Variants in GLI2 observed in about 807,000 individuals in gnomAD.
GLI2 encodes transcription activator GLI2.
In GLI2, 22 loss-of-function variants were observed where a neutral mutation model predicts 78.9. The ratio of observed to expected loss-of-function variants is 0.28; its 90% CI spans 0.20 to 0.40. The LOEUF (loss-of-function observed/expected upper bound fraction) is 0.40, where lower values mean the gene tolerates loss of function less well. Among genes scored for constraint, GLI2 ranks in the 10% least tolerant of loss-of-function variants. The pLI, the probability that GLI2 is intolerant of heterozygous loss-of-function variation, is 1.00. For synonymous variants in GLI2, 974 were observed against 963.7 expected (o/e 1.01, Z -0.20); for missense variants, 2,097 against 2,213.2 (o/e 0.95, Z 1.05).
intron 3 of GLI2, among the ~76,000 whole-genome samples, chr2:120,936,636 AAACAG>A (rs1680213354): frequency 6.6e-6 from 1 of 152,198 alleles, no homozygotes; most frequent in Non-Finnish European, 1.5e-5. Context: ...GCAGACATGG[AAACAG>A]AACAGTAATC....
In GLI2 at chr2:120,982,702, C is replaced by A. The variant is rs1472201792; in HGVS notation, c.1468-14C>A. ...CCCTGGGGTGCCTTGACTGACTGAA[C>A]CGCCTCCTTCTAGTTCGAGGGCTGC... is the stretch of plus-strand genomic sequence containing the variant. On this transcript the variant is annotated splice_polypyrimidine_tract_variant and intron_variant, in intron 10 of 13. Transcript: ENST00000361492. The A allele has an allele frequency of 1.2e-6, 2 of 1,605,236 alleles. No individual in the cohort carries two copies. The highest frequency in any genetic ancestry group is 4.5e-5 in the East Asian group (2 of 44,744).
intron 2 of GLI2, among the ~76,000 whole-genome samples, chr2:120,841,358 G>C (rs1686860248): frequency 6.6e-6 from 1 of 152,172 alleles, no homozygotes; most frequent in South Asian, 2.1e-4. Context: ...TCTACAGAGG[G>C]CCTAGTGAAG....
chr2:120,858,137 C>T (rs1687746608), intron 2 of GLI2, among the ~76,000 whole-genome samples: 1 of 152,270 alleles, frequency 6.6e-6, no homozygotes. Context: ...AGAATGACAG[C>T]TTGGTGCTGG....
intron 1 of GLI2, among the ~76,000 whole-genome samples, chr2:120,772,127 C>T (rs1357508041): frequency 6.6e-6 from 1 of 152,124 alleles, no homozygotes; most frequent in Non-Finnish European, 1.5e-5. Flanking sequence ...ATAGAGATTG[C>T]CTGGTGCCCT....
At chr2:120,948,055 G>A (rs1680798570) in intron 3 of GLI2, among the ~76,000 whole-genome samples, 1 of 152,218 alleles carries the variant, frequency 6.6e-6, no homozygotes, top group South Asian at 2.1e-4. Flanking sequence ...GTCACACCAA[G>A]GGAACAGTCA....
At chr2:120,885,860 A>G (rs1677370055) in intron 2 of GLI2, among the ~76,000 whole-genome samples, 1 of 152,152 alleles carries the variant, frequency 6.6e-6, no homozygotes, top group South Asian at 2.1e-4. Context: ...GTGGGACACT[A>G]TCATTCACAT....
At chr2:120,794,031 C>A (rs7604538) in intron 1 of GLI2, among the ~76,000 whole-genome samples, 6 of 152,062 alleles carry the variant, frequency 3.9e-5, no homozygotes, top group Admixed American at 3.3e-4. Flanking sequence ...CCGTTCTTCA[C>A]GGATGGAGCC....
At chr2:120,740,878 G>A (rs1682513953) in intron 1 of GLI2, among the ~76,000 whole-genome samples, 1 of 151,958 alleles carries the variant, frequency 6.6e-6, no homozygotes, top group East Asian at 1.9e-4. Context: ...GAGGAGGGAG[G>A]GTGGCCCGGC....
At chr2:120,927,305 C>G (rs1339288758) in intron 2 of GLI2, 56 bp from the exon 3 acceptor site, 1 of 1,283,844 alleles carries the variant, frequency 7.8e-7, no homozygotes, top group Non-Finnish European at 1.1e-6. Context: ...TTGAAAGTAG[C>G]TTTTTGAGGG....
Position 120,988,706 on chromosome 2 carries a change from G to C in GLI2, c.2741G>C (p.Cys914Ser). 8.2e-7 allele frequency: 1 copy of C among 1,224,498 alleles called. No homozygotes were observed. 75.9% of individuals were successfully genotyped at this position (1,224,498 alleles called of 1,614,324 possible). Residue 914 changes from cysteine to serine, a missense_variant, in exon 14 of 14, where the codon TGC (cysteine) becomes TCC (serine). Cys to Ser is a moderately radical substitution (Grantham distance 112). Transcript: ENST00000361492. ...CCCGAGCGCACGCTGCCCGCCGGCTGCCCACGCCCACTGGGGCCGCGGCGT... is the reference window on the plus strand; with the variant it reads ...CCCGAGCGCACGCTGCCCGCCGGCTCCCCACGCCCACTGGGGCCGCGGCGT... Reference protein sequence around the residue: ...DAPERTLPAGCPRPLGPRRGS... With the variant: ...DAPERTLPAGSPRPLGPRRGS...
chr2:120,882,642 C>T (rs1677210205), intron 2 of GLI2, among the ~76,000 whole-genome samples: 1 of 152,240 alleles, frequency 6.6e-6, no homozygotes, highest in Non-Finnish European at 1.5e-5. Context: ...CCTGGGTCTT[C>T]TGTCCCTCAC....
chr2:120,846,145 T>G (rs1395878606), intron 2 of GLI2, among the ~76,000 whole-genome samples: 1 of 152,160 alleles, frequency 6.6e-6, no homozygotes, highest in Non-Finnish European at 1.5e-5. Context: ...CGTCAGTCAT[T>G]CTGGTTTCTT....
intron 2 of GLI2, among the ~76,000 whole-genome samples, chr2:120,841,157 A>G (rs1686849912): frequency 6.6e-6 from 1 of 152,240 alleles, no homozygotes; most frequent in African/African-American, 2.4e-5. Context: ...AGAAACACAC[A>G]TTTTGAGAAA....
rs529231756 is a variant in GLI2 at position 120,964,710 on chromosome 2, C to T, written c.644-4004C>T. 1.1e-4 allele frequency among the ~76,000 whole-genome samples: 16 copies of T among 152,336 alleles called. No individual in the cohort carries two copies. In the East Asian group the frequency reaches 2.9e-3, roughly 28 times the overall value. On this transcript the variant is annotated intron_variant, in intron 5 of 13. Transcript: ENST00000361492. ...GCTGTGCCAAACTGGAGCTGCCTTG[C>T]AGACAGGAGGAGAGGACGAGGAGGC...
intron 3 of GLI2, among the ~76,000 whole-genome samples, chr2:120,932,259 GCTGAGC>G (rs201079321): frequency 0.011 from 1,706 of 152,264 alleles, 28 homozygotes; most frequent in African/African-American, 0.035. Context: ...TTCTGTGTCA[GCTGAGC>G]CTGAGCCTGA....
Position 120,955,322 on chromosome 2 carries a change from C to A in GLI2, c.535C>A (p.Gln179Lys). The change falls in exon 5 of 14, where the codon CAG (glutamine) becomes AAG (lysine). Residue 179 changes from glutamine to lysine, a missense_variant. Coordinates refer to ENST00000361492, the MANE Select transcript of GLI2 (RefSeq NM_001374353.1). The part of the protein sequence containing the change: ...PGTTPSDYYH[Q>K]MTLVAGHPAP... ...CACCACCCCCTCAGACTATTACCAC[C>A]AGATGACCCTCGTGGCAGGCCACCC... 1 of 1,612,362 alleles carries A rather than the reference C, an allele frequency of 6.2e-7. No individual in the cohort carries two copies. Among genetic ancestry groups the A allele is most frequent in the Non-Finnish European group, 8.5e-7 (1 of 1,178,452 alleles).
Position 120,748,522 on chromosome 2 carries a change from A to G in GLI2, c.-31+12237A>G, listed in dbSNP as rs112744917. On this transcript the variant is annotated intron_variant, in intron 1 of 13. Transcript: ENST00000361492. The stretch of plus-strand genomic sequence containing the variant: ...GTGTGGCATTTCTGGGGCCTCTGGT[A>G]TGTGGGAGAGTCAGCGTGGGGTTGC... Among the ~76,000 whole-genome samples, 2 of 152,268 alleles carry G rather than the reference A, an allele frequency of 1.3e-5. 1 individual carries two copies. Among genetic ancestry groups the G allele is most frequent in the African/African-American group, 4.8e-5 (2 of 41,552 alleles).
chr2:120,945,267 G>A (rs767237302), intron 3 of GLI2, among the ~76,000 whole-genome samples: 1 of 152,188 alleles, frequency 6.6e-6, no homozygotes, highest in African/African-American at 2.4e-5. Flanking sequence ...GCCGCTGGTC[G>A]CTAACATGTG....
intron 1 of GLI2, among the ~76,000 whole-genome samples, chr2:120,769,754 T>C (rs1683471535): frequency 6.6e-6 from 1 of 152,210 alleles, no homozygotes; most frequent in South Asian, 2.1e-4. Flanking sequence ...CGTCTGTATG[T>C]GAGTGCATTT....
Sources: gnomAD v4.1 joint callset for allele counts (sites outside exome capture counted in the v4.1 genomes callset) on GRCh38, gnomAD v4.1.1 for gene constraint, MANE v1.5 for transcripts, NCBI Gene and HGNC (gene_info 2026-07-23, HGNC 2026-07-21) for gene names.